The following ZNF682 variants were observed in gnomAD, a reference collection of about 807,000 sequenced individuals.
ZNF682 encodes zinc finger protein 682.
Under a neutral mutation model 36.5 loss-of-function variants are expected in ZNF682, and 29 were observed. The ratio of observed to expected loss-of-function variants is 0.80; its 90% CI spans 0.59 to 1.08. The LOEUF (loss-of-function observed/expected upper bound fraction) is 1.08. ZNF682 is among the 50% of genes least tolerant of loss of function. The pLI, the probability that ZNF682 is intolerant of heterozygous loss-of-function variation, is 0.00. For synonymous variants in ZNF682, 180 were observed against 197.0 expected (o/e 0.91, Z 0.72); for missense variants, 561 against 579.7 (o/e 0.97, Z 0.33).
At chr19:20,009,597 A>G (rs998485077) in intron 3 of ZNF682, among the ~76,000 whole-genome samples, 1 of 152,218 alleles carries the variant, frequency 6.6e-6, no homozygotes, top group African/African-American at 2.4e-5. Context: ...CAAGGTCAAC[A>G]TGAAATACAA....
rs77200511 is a variant in ZNF682, at chr19:20,005,988, C to A, written c.*17G>T. ...CACATTCTTTACATTTGTAGGATTT[C>A]TCTTTAGTAAAAATTCTTACGTAGT... On this transcript the variant is annotated 3_prime_UTR_variant, in exon 4 of 4. Coordinates refer to ENST00000397165, the MANE Select transcript of ZNF682 (RefSeq NM_033196.3). 753 of 1,554,848 alleles carry A rather than the reference C, an allele frequency of 4.8e-4. 3 individuals are homozygous for A. In the African/African-American group the frequency reaches 9.2e-3, roughly 19 times the overall value.
At chr19:20,039,192 G>A in intron 1 of ZNF682, 151 bp downstream of exon 1, 2 of 1,423,016 alleles carry the variant, frequency 1.4e-6, no homozygotes, top group Non-Finnish European at 1.8e-6. Flanking sequence ...TGTGCCCGGA[G>A]GTGATCGACG....
At chr19:20,019,685 T>C (rs758601631) in intron 3 of ZNF682, among the ~76,000 whole-genome samples, 1 of 152,106 alleles carries the variant, frequency 6.6e-6, no homozygotes, top group African/African-American at 2.4e-5. Context: ...TAGATATTTT[T>C]CCAGTGAAGA....
chr19:20,001,217 T>C (rs565395010), downstream of ZNF682, among the ~76,000 whole-genome samples: 4 of 152,214 alleles, frequency 2.6e-5, no homozygotes, highest in Non-Finnish European at 5.9e-5. Context: ...TGCTACAGTT[T>C]GTATTGTTTT....
chr19:20,039,219 C>G, intron 1 of ZNF682, 124 bp downstream of exon 1: 4 of 1,481,502 alleles, frequency 2.7e-6, no homozygotes, highest in Non-Finnish European at 3.6e-6. Flanking sequence ...CTGTGCCTGC[C>G]GGGGACTCCA....
chr19:20,039,487 G>A lies in ZNF682; in HGVS notation c.-142C>T. ...CAATGAAGATGGACCCTGAGCTCTG[G>A]CTGGAGCGAGACAAAGGCCCCGCCA... is the stretch of plus-strand genomic sequence containing the variant. On this transcript the variant is annotated 5_prime_UTR_variant, in exon 1 of 4. Transcript: ENST00000397165. 1 of 1,174,808 alleles carries A rather than the reference G, an allele frequency of 8.5e-7. No individual in the cohort carries two copies. The highest frequency in any genetic ancestry group is 1.6e-5 in the South Asian group (1 of 63,378). The allele number at this position is 1,174,808 out of a possible 1,614,324, so 72.8% of individuals were successfully genotyped here.
At position 20,006,285 on chromosome 19, in the gene ZNF682, A is replaced by C. The variant is rs2122299129; in HGVS notation, c.1217T>G (p.Phe406Cys). ...TTCAGTAAGGATTGAGGACCAGTTA[A>C]AAGCTTTGCCACATTCTTCACATTT... ...PYKCEECGKA[F>C]NWSSILTEHK... The change falls in exon 4 of 4, where the codon TTT becomes TGT. Residue 406 changes from phenylalanine (F) to cysteine (C), a missense_variant. Physicochemically the swap from Phe to Cys is radical, Grantham distance 205. Coordinates refer to ENST00000397165, the MANE Select transcript of ZNF682 (RefSeq NM_033196.3). 1 of 1,613,698 alleles carries C rather than the reference A, an allele frequency of 6.2e-7. No homozygotes were observed. The highest frequency in any genetic ancestry group is 1.1e-5 in the South Asian group (1 of 91,084).
downstream of ZNF682, among the ~76,000 whole-genome samples, chr19:19,999,719 G>T (rs1487100000): frequency 6.6e-6 from 1 of 152,094 alleles, no homozygotes; most frequent in African/African-American, 2.4e-5. Context: ...ATTCTTAGTA[G>T]AGATGGGGTT....
chr19:20,007,859 T>C (rs112515340), intron 3 of ZNF682: 1 of 153,494 alleles, frequency 6.5e-6, no homozygotes, highest in Non-Finnish European at 1.4e-5. Flanking sequence ...CTCTGCATCT[T>C]GCACTGAGGG....
downstream of ZNF682, among the ~76,000 whole-genome samples, chr19:20,003,072 T>C (rs1023270580): frequency 6.6e-6 from 1 of 150,418 alleles, no homozygotes; most frequent in Non-Finnish European, 1.5e-5. Context: ...GCGCCTGTAG[T>C]CCCAGCTACT....
chr19:20,007,827 C>G (rs2088242197), intron 3 of ZNF682: 1 of 153,388 alleles, frequency 6.5e-6, no homozygotes, highest in Non-Finnish European at 1.4e-5. Flanking sequence ...TGTAGCTGAC[C>G]ATAGGTGCCC....
In ZNF682 at chr19:20,015,437, C is replaced by G. The variant is rs1421349623; in HGVS notation, c.226+7567G>C. The G allele has an allele frequency of 1.9e-5, 19 of 980,384 alleles. No individual in the cohort carries two copies. In the Admixed American group the frequency reaches 1.2e-3, roughly 60 times the overall value. The allele number at this position is 980,384 out of a possible 1,614,324, so 60.7% of individuals were successfully genotyped here. A position where few individuals can be genotyped will look rare whatever the true frequency, so the allele number is the denominator to read the frequency against. ...TCACACTGTCTTAAAATGTACAGAG[C>G]TGAATACTGTCATACAAAATTATAA... On this transcript the variant is annotated intron_variant, in intron 3 of 3. Coordinates refer to ENST00000397165, the MANE Select transcript of ZNF682 (RefSeq NM_033196.3).
At chr19:20,024,191 G>C in intron 2 of ZNF682, 59 bp downstream of exon 2, 1 of 1,593,598 alleles carries the variant, frequency 6.3e-7, no homozygotes, top group Non-Finnish European at 8.6e-7. Context: ...ACATTCTACA[G>C]AGGAAGAAAA....
intron 1 of ZNF682, among the ~76,000 whole-genome samples, chr19:20,029,609 A>T (rs940208712): frequency 2.6e-5 from 4 of 151,688 alleles, no homozygotes; most frequent in Admixed American, 1.3e-4. Flanking sequence ...TCAAAAAAAA[A>T]AAAAAAATTA....
downstream of ZNF682, among the ~76,000 whole-genome samples, chr19:19,999,862 T>C (rs188061788): frequency 6.6e-6 from 1 of 152,310 alleles, no homozygotes. Context: ...TGTTTTGTCT[T>C]ATATACACCT....
downstream of ZNF682, among the ~76,000 whole-genome samples, chr19:20,002,389 A>T (rs1488661451): frequency 6.6e-6 from 1 of 151,998 alleles, no homozygotes; most frequent in African/African-American, 2.4e-5. Flanking sequence ...TCCTTCACAC[A>T]GACATAACAG....
At chr19:20,026,257 C>T (rs1055844960) in intron 1 of ZNF682, among the ~76,000 whole-genome samples, 5 of 151,646 alleles carry the variant, frequency 3.3e-5, no homozygotes, top group Admixed American at 6.6e-5. Flanking sequence ...GAGCCGAGAT[C>T]GCGCCACTGC....
At chr19:20,029,505 G>A (rs2088461684) in intron 1 of ZNF682, among the ~76,000 whole-genome samples, 1 of 151,160 alleles carries the variant, frequency 6.6e-6, no homozygotes, top group Admixed American at 6.6e-5. Context: ...GGAGGCTGAG[G>A]TGGGAGAACT....
chr19:20,003,478 G>A (rs570938356), downstream of ZNF682, among the ~76,000 whole-genome samples: 105 of 151,912 alleles, frequency 6.9e-4, no homozygotes, highest in Admixed American at 1.2e-3. Context: ...GCTGAGGCGG[G>A]TGGATCACAA....
Sources: gnomAD v4.1 joint callset for allele counts (sites outside exome capture counted in the v4.1 genomes callset) on GRCh38, gnomAD v4.1.1 for gene constraint, MANE v1.5 for transcripts, NCBI Gene and HGNC (gene_info 2026-07-23, HGNC 2026-07-21) for gene names.